The following LDB2 variants were observed in gnomAD, a reference collection of about 807,000 sequenced individuals.
LDB2 encodes the protein LIM domain binding 2.
LDB2 carries 12 observed loss-of-function variants against 44.3 expected under a neutral mutation model. The observed-to-expected ratio is 0.27, with a 90% CI of 0.17 to 0.44. The LOEUF is 0.44. Ranked by LOEUF, LDB2 falls within the 20% of genes least tolerant of loss-of-function variation. LDB2 has a pLI of 1.00. For synonymous variants in LDB2, 164 were observed against 174.8 expected, an observed-to-expected ratio of 0.94 and a Z score of 0.49; for missense variants, 344 against 473.5, an observed-to-expected ratio of 0.73 and a Z score of 2.54.
intron 2 of LDB2, among the ~76,000 whole-genome samples, chr4:16,740,448 A>G (rs1227550078): frequency 6.6e-6 from 1 of 152,222 alleles, no homozygotes; most frequent in Admixed American, 6.5e-5. Flanking sequence ...TTCTTTGCCC[A>G]TGGATCTATC....
intron 2 of LDB2, among the ~76,000 whole-genome samples, chr4:16,721,277 T>C (rs887702379): frequency 9.2e-5 from 14 of 152,150 alleles, no homozygotes; most frequent in African/African-American, 3.4e-4. Context: ...TCAGGGTCAG[T>C]TCTTAATTAT....
intron 2 of LDB2, among the ~76,000 whole-genome samples, chr4:16,620,510 T>C (rs1010131454): frequency 5.9e-5 from 9 of 152,220 alleles, no homozygotes; most frequent in African/African-American, 2.2e-4. Flanking sequence ...GGAATGTTTT[T>C]CTTGATTCCT....
At chr4:16,771,042 G>T (rs2109342874) in intron 1 of LDB2, among the ~76,000 whole-genome samples, 1 of 152,214 alleles carries the variant, frequency 6.6e-6, no homozygotes, top group Admixed American at 6.5e-5. Flanking sequence ...AAACACAGCA[G>T]ACAAGGGAAT....
intron 1 of LDB2, among the ~76,000 whole-genome samples, chr4:16,783,184 G>A (rs892478442): frequency 6.6e-6 from 1 of 152,210 alleles, no homozygotes; most frequent in Non-Finnish European, 1.5e-5. Context: ...GGGGCCTAGG[G>A]GTATGGGATG....
chr4:16,725,677 C>G (rs2152689218), intron 2 of LDB2, among the ~76,000 whole-genome samples: 1 of 152,140 alleles, frequency 6.6e-6, no homozygotes, highest in East Asian at 1.9e-4. Context: ...TAAAGAGTCC[C>G]CAGATCAAAG....
intron 2 of LDB2, among the ~76,000 whole-genome samples, chr4:16,749,877 G>A (rs184461816): frequency 2.1e-4 from 32 of 152,238 alleles, no homozygotes; most frequent in African/African-American, 7.7e-4. Flanking sequence ...TCTCTCATGA[G>A]TTTAAGAACT....
At chr4:16,552,046 T>C (rs1737871185) in intron 5 of LDB2, among the ~76,000 whole-genome samples, 1 of 152,184 alleles carries the variant, frequency 6.6e-6, no homozygotes, top group South Asian at 2.1e-4. Flanking sequence ...TTGTAGGCTG[T>C]CTTCTAGGTC....
In LDB2 at chr4:16,810,217, G is replaced by A. The variant is rs201654105; in HGVS notation, c.133-50957C>T. 3.9e-5 allele frequency among the ~76,000 whole-genome samples: 6 copies of A among 152,246 alleles called. No homozygotes were observed. The East Asian group carries it at 7.7e-4, about 20-fold the overall frequency. ...GAGTCCAGTCACGGTGCACAAGTCTGGCACCCAGTTCCATGACACATGTAC... is the reference window on the plus strand; with the variant it reads ...GAGTCCAGTCACGGTGCACAAGTCTAGCACCCAGTTCCATGACACATGTAC... On this transcript the variant is annotated intron_variant, in intron 1 of 7. Coordinates refer to ENST00000304523, the MANE Select transcript of LDB2 (RefSeq NM_001290.5).
intron 1 of LDB2, among the ~76,000 whole-genome samples, chr4:16,795,575 T>TAATG (rs1487065147): frequency 6.6e-6 from 1 of 152,026 alleles, no homozygotes; most frequent in East Asian, 1.9e-4. Flanking sequence ...TCACCTTGGG[T>TAATG]AATGCACCAG....
intron 1 of LDB2, chr4:16,893,021 T>C: frequency 1.2e-6 from 1 of 828,978 alleles, no homozygotes; most frequent in Non-Finnish European, 1.5e-6. Flanking sequence ...AGTAAGAAAA[T>C]GGGGGAAAAA....
chr4:16,828,948 G>T (rs1187428461), intron 1 of LDB2, among the ~76,000 whole-genome samples: 4 of 152,088 alleles, frequency 2.6e-5, no homozygotes, highest in Non-Finnish European at 5.9e-5. Flanking sequence ...CCCCCAAAAG[G>T]CTCAGAACTT....
intron 1 of LDB2, among the ~76,000 whole-genome samples, chr4:16,796,748 T>G (rs1260060340): frequency 6.6e-6 from 1 of 152,180 alleles, no homozygotes; most frequent in African/African-American, 2.4e-5. Flanking sequence ...ATAAGCCATG[T>G]TGGTAACATG....
intron 1 of LDB2, among the ~76,000 whole-genome samples, chr4:16,820,179 AC>A (rs747059292): frequency 3.7e-4 from 57 of 152,372 alleles, no homozygotes; most frequent in Non-Finnish European, 6.3e-4. Flanking sequence ...AAATGATGTG[AC>A]CAAATATCGT....
chr4:16,873,694 G>A (rs1003453632), intron 1 of LDB2, among the ~76,000 whole-genome samples: 1 of 151,988 alleles, frequency 6.6e-6, no homozygotes, highest in African/African-American at 2.4e-5. Context: ...CTTAGTATTT[G>A]AGAAAACAGC....
At chr4:16,667,249 T>A (rs531048331) in intron 2 of LDB2, among the ~76,000 whole-genome samples, 7 of 152,244 alleles carry the variant, frequency 4.6e-5, no homozygotes, top group Non-Finnish European at 1.0e-4. Context: ...CATCACACCA[T>A]GGGGTCTCTC....
At chr4:16,658,206 T>A (rs1389049500) in intron 2 of LDB2, among the ~76,000 whole-genome samples, 1 of 152,204 alleles carries the variant, frequency 6.6e-6, no homozygotes, top group Non-Finnish European at 1.5e-5. Context: ...AGGGGCTGTA[T>A]CTTATTAAGT....
At chr4:16,529,194 A>T (rs1729276020) in intron 5 of LDB2, among the ~76,000 whole-genome samples, 3 of 152,036 alleles carry the variant, frequency 2.0e-5, no homozygotes, top group Non-Finnish European at 4.4e-5. Flanking sequence ...GCTTTTTGGG[A>T]CTCAATAGAT....
At chr4:16,572,224 G>GT (rs542616616) in intron 5 of LDB2, among the ~76,000 whole-genome samples, 65 of 151,938 alleles carry the variant, frequency 4.3e-4, no homozygotes, top group East Asian at 3.9e-4. Context: ...CTGATATACT[G>GT]TTTTTTTTGT....
intron 1 of LDB2, among the ~76,000 whole-genome samples, chr4:16,856,135 A>G (rs1209453683): frequency 6.6e-6 from 1 of 152,196 alleles, no homozygotes; most frequent in Non-Finnish European, 1.5e-5. Context: ...AACTAATATG[A>G]AAATCCATCC....
Sources: allele counts gnomAD v4.1 joint callset (sites outside exome capture counted in the v4.1 genomes callset), GRCh38; gene constraint gnomAD v4.1.1; transcripts MANE v1.5; gene names NCBI Gene and HGNC (gene_info 2026-07-23, HGNC 2026-07-21).